The following LRRC59 variants were observed in gnomAD, a reference collection of about 807,000 sequenced individuals.
The protein encoded by LRRC59 is leucine-rich repeat-containing protein 59.
In LRRC59, 18 loss-of-function variants were observed where a neutral mutation model predicts 33.5. The observed-to-expected ratio is 0.54, with a 90% CI of 0.37 to 0.80. The LOEUF is 0.80. LRRC59 is among the 30% of genes least tolerant of loss of function. The pLI is 0.00. For missense variants in LRRC59, 330 were observed against 391.9 expected, an observed-to-expected ratio of 0.84 and a Z score of 1.33; for synonymous variants, 138 against 160.0, an observed-to-expected ratio of 0.86 and a Z score of 1.04.
At chr17:50,395,325 C>A (rs1914245268) in intron 1 of LRRC59, among the ~76,000 whole-genome samples, 1 of 147,036 alleles carries the variant, frequency 6.8e-6, no homozygotes, top group Admixed American at 6.9e-5. Context: ...GAGTTTGAGG[C>A]CGGCCTGCAC....
In LRRC59 at chr17:50,382,851, A is replaced by T. The variant is rs1200538708; in HGVS notation, c.*137T>A. Reference sequence around the variant, plus strand: ...GGAATGAAGAAGTCCTACAAAGAGGAGGTCTCATGTACCAATCTGCAGCCA... The same window carrying T: ...GGAATGAAGAAGTCCTACAAAGAGGTGGTCTCATGTACCAATCTGCAGCCA... On this transcript the variant is annotated 3_prime_UTR_variant, in exon 7 of 7. Coordinates refer to ENST00000225972, the MANE Select transcript of LRRC59 (RefSeq NM_018509.4). The T allele has an allele frequency of 7.5e-6, 8 of 1,070,696 alleles. No individual in the cohort carries two copies. The highest frequency in any genetic ancestry group is 3.3e-5 in the South Asian group (2 of 60,022). 66.3% of individuals were successfully genotyped at this position (1,070,696 alleles called of 1,614,324 possible). A position where few individuals can be genotyped will look rare whatever the true frequency, so the allele number is the denominator to read the frequency against.
At chr17:50,385,409 A>C (rs1440814921) in intron 5 of LRRC59, 118 bp from the exon 6 acceptor site, 1 of 1,111,598 alleles carries the variant, frequency 9.0e-7, no homozygotes, top group Non-Finnish European at 1.3e-6. Context: ...TGGTTCACAT[A>C]AGAAATATTC....
rs1183732756 is a variant in LRRC59 at position 50,385,243 on chromosome 17, T to C, written c.551A>G (p.Glu184Gly). The part of the protein sequence containing the change: ...EAKQRAKEAQ[E>G]RELRKREKAE... ...CTTCTCCCGCTTCCGCAGTTCCCGC[T>C]CCTGAGCTTCCTTAGCTCGCTGCTT... Residue 184 changes from glutamate (E) to glycine (G), a missense_variant, in exon 6 of 7, where the codon GAG (glutamate) becomes GGG (glycine). Glu to Gly is a moderately conservative substitution (Grantham distance 98, BLOSUM62 -2). Transcript: ENST00000225972. 6.2e-7 allele frequency: 1 copy of C among 1,614,154 alleles called. No individual in the cohort carries two copies.
intron 1 of LRRC59, 28 bp downstream of exon 1, chr17:50,397,185 C>T: frequency 1.3e-6 from 2 of 1,509,314 alleles, no homozygotes; most frequent in Non-Finnish European, 1.8e-6. Context: ...CGAAGGTGGG[C>T]GCCTGGGCCT....
intron 1 of LRRC59, chr17:50,396,462 G>GT (rs1211964445): frequency 6.6e-6 from 1 of 152,292 alleles, no homozygotes; most frequent in Non-Finnish European, 1.5e-5. Context: ...CAAGGCAAAT[G>GT]TAATTTATCA....
chr17:50,393,675 A>C (rs1315758769), intron 2 of LRRC59, among the ~76,000 whole-genome samples: 1 of 152,210 alleles, frequency 6.6e-6, no homozygotes. Context: ...AACCTCAGCT[A>C]ATGAGGCACT....
In LRRC59 at chr17:50,392,724, T is replaced by G. The variant is rs1291370664; in HGVS notation, c.324+15A>C. 6 of 1,612,290 alleles carry G rather than the reference T, an allele frequency of 3.7e-6. No homozygotes were observed. The highest frequency in any genetic ancestry group is 1.7e-5 in the Admixed American group (1 of 59,972). On this transcript the variant is annotated intron_variant, in intron 3 of 6. Coordinates refer to ENST00000225972, the MANE Select transcript of LRRC59 (RefSeq NM_018509.4). The stretch of plus-strand genomic sequence containing the variant: ...TGCCACCCTGGCCATGAAACACTGG[T>G]TCATGAATTGTTACCTTGAGCTGAG...
chr17:50,381,659 C>T lies in LRRC59; in HGVS notation c.*1329G>A, dbSNP rs535086710. On this transcript the variant is annotated 3_prime_UTR_variant, in exon 7 of 7. Transcript: ENST00000225972. ...CTGAACTATGAGATTCTTGCTCCCT[C>T]CGGGGGAGCCAAGGAGCTTGCAACT... 1 of 152,786 alleles carries T rather than the reference C, an allele frequency of 6.5e-6. No homozygotes were observed. Among genetic ancestry groups the T allele is most frequent in the African/African-American group, 2.4e-5 (1 of 41,580 alleles). 9.5% of individuals were successfully genotyped at this position (152,786 alleles called of 1,614,324 possible).
At chr17:50,393,430 C>T (rs1914197636) in intron 2 of LRRC59, among the ~76,000 whole-genome samples, 1 of 152,142 alleles carries the variant, frequency 6.6e-6, no homozygotes, top group African/African-American at 2.4e-5. Flanking sequence ...GTCAAAACAG[C>T]GTGCTCGTTC....
intron 4 of LRRC59, among the ~76,000 whole-genome samples, chr17:50,389,728 C>T (rs1048416983): frequency 1.3e-5 from 2 of 152,190 alleles, no homozygotes; most frequent in African/African-American, 4.8e-5. Flanking sequence ...ACTCCAGACA[C>T]GCATACCTCC....
rs1319233516 is a variant in LRRC59, at chr17:50,382,981, G to A, written c.*7C>T. Reference sequence around the variant, plus strand: ...AGGCTGGGAGGCAGCAGGTGCTGGGGACAAGCTCACTGCTGAGAGTCGGTC... The same window carrying A: ...AGGCTGGGAGGCAGCAGGTGCTGGGAACAAGCTCACTGCTGAGAGTCGGTC... On this transcript the variant is annotated 3_prime_UTR_variant, in exon 7 of 7. Coordinates refer to ENST00000225972, the MANE Select transcript of LRRC59 (RefSeq NM_018509.4). 6.2e-7 allele frequency: 1 copy of A among 1,610,828 alleles called. No homozygotes were observed. Among genetic ancestry groups the A allele is most frequent in the Admixed American group, 1.7e-5 (1 of 60,004 alleles).
At chr17:50,397,003 T>C (rs1002038585) in intron 1 of LRRC59, 2 of 426,416 alleles carry the variant, frequency 4.7e-6, no homozygotes, top group African/African-American at 4.1e-5. Flanking sequence ...AGATCTTCCC[T>C]ATGTTCTGGA....
chr17:50,394,855 CCT>C (rs1491481300), intron 2 of LRRC59, 72 bp downstream of exon 2: 3 of 1,071,652 alleles, frequency 2.8e-6, no homozygotes, highest in African/African-American at 3.2e-5. Context: ...CTCCCACCCC[CCT>C]CTCAACCCCC....
chr17:50,392,126 G>A (rs1037354357), intron 4 of LRRC59, among the ~76,000 whole-genome samples: 1 of 152,200 alleles, frequency 6.6e-6, no homozygotes, highest in Non-Finnish European at 1.5e-5. Context: ...CTTGAACCTG[G>A]GAGGCGGAGG....
intron 1 of LRRC59, 37 bp downstream of exon 1, chr17:50,397,176 G>A (rs983855165): frequency 6.8e-7 from 1 of 1,478,094 alleles, no homozygotes; most frequent in Admixed American, 2.3e-5. Context: ...AGCGCCCGGC[G>A]AAGGTGGGCG....
In LRRC59 at chr17:50,397,373, G is replaced by C; in HGVS notation, c.-56C>G. 1 of 1,405,164 alleles carries C rather than the reference G, an allele frequency of 7.1e-7. No individual in the cohort carries two copies. Among genetic ancestry groups the C allele is most frequent in the Non-Finnish European group, 9.8e-7 (1 of 1,016,542 alleles). 87.0% of individuals were successfully genotyped at this position (1,405,164 alleles called of 1,614,324 possible). On this transcript the variant is annotated 5_prime_UTR_variant, in exon 1 of 7. Coordinates refer to ENST00000225972, the MANE Select transcript of LRRC59 (RefSeq NM_018509.4). Reference sequence around the variant, plus strand: ...GGGGTTCCGGCGGGTGAAAGGAGCTGAAATGTCGCTTGTCAGTTCAGCGGC... The same window carrying C: ...GGGGTTCCGGCGGGTGAAAGGAGCTCAAATGTCGCTTGTCAGTTCAGCGGC...
At position 50,392,485 on chromosome 17, in the gene LRRC59, G is replaced by A. The variant is rs1452860152; in HGVS notation, c.342C>T (p.Asp114=). ...CAGGATCCAGGGGGTTATCCTTCAGGTCCAACCACTTCAGGTTCTAAAGAG... is the reference window on the plus strand; with the variant it reads ...CAGGATCCAGGGGGTTATCCTTCAGATCCAACCACTTCAGGTTCTAAAGAG... The part of the protein sequence containing the change: ...FAQLKNLKWL[D]LKDNPLDPVL... The change falls in exon 4 of 7, where the codon GAC becomes GAT. Residue 114 remains aspartate, a synonymous_variant. Transcript: ENST00000225972. 2 of 1,613,898 alleles carry A rather than the reference G, an allele frequency of 1.2e-6. No individual in the cohort carries two copies. Among genetic ancestry groups the A allele is most frequent in the Non-Finnish European group, 1.7e-6 (2 of 1,179,926 alleles).
chr17:50,393,008 T>A (rs1444103678), intron 2 of LRRC59, 111 bp from the exon 3 acceptor site: 3 of 1,079,858 alleles, frequency 2.8e-6, no homozygotes, highest in Non-Finnish European at 4.0e-6. Flanking sequence ...TTACGAGATT[T>A]TTTTTCCTTT....
intron 5 of LRRC59, among the ~76,000 whole-genome samples, chr17:50,387,372 T>C (rs1187955279): frequency 6.6e-6 from 1 of 152,210 alleles, no homozygotes; most frequent in Non-Finnish European, 1.5e-5. Context: ...ACAAGGCCGG[T>C]GGAGAGCAGG....
Sources: gnomAD v4.1 joint callset for allele counts (sites outside exome capture counted in the v4.1 genomes callset) on GRCh38, gnomAD v4.1.1 for gene constraint, MANE v1.5 for transcripts, NCBI Gene and HGNC (gene_info 2026-07-23, HGNC 2026-07-21) for gene names.